Variants in CELF4 observed in about 807,000 individuals in gnomAD.
The protein encoded by CELF4 is CUGBP Elav-like family member 4.
CELF4 carries 18 observed loss-of-function variants against 59.9 expected under a neutral mutation model. The ratio of observed to expected loss-of-function variants is 0.30; its 90% CI spans 0.21 to 0.45. The LOEUF is 0.45. Ranked by LOEUF, CELF4 falls within the 20% of genes least tolerant of loss-of-function variation. The pLI is 1.00. For synonymous variants in CELF4, 261 were observed against 267.1 expected, an observed-to-expected ratio of 0.98 and a Z score of 0.22; for missense variants, 456 against 689.0, an observed-to-expected ratio of 0.66 and a Z score of 3.79.
chr18:37,534,661 C>A (rs1283322398), intron 1 of CELF4, among the ~76,000 whole-genome samples: 1 of 152,122 alleles, frequency 6.6e-6, no homozygotes, highest in Non-Finnish European at 1.5e-5. Context: ...AATTAATATT[C>A]AGATAACTAT....
intron 2 of CELF4, among the ~76,000 whole-genome samples, chr18:37,360,060 C>T (rs901161005): frequency 6.6e-6 from 1 of 151,352 alleles, no homozygotes; most frequent in Non-Finnish European, 1.5e-5. Flanking sequence ...ACCATGTTGG[C>T]CAGACTGGTC....
chr18:37,367,480 G>A (rs2098799697), intron 2 of CELF4, among the ~76,000 whole-genome samples: 1 of 151,830 alleles, frequency 6.6e-6, no homozygotes, highest in East Asian at 1.9e-4. Flanking sequence ...CAGAGGGAAA[G>A]GATGCTCTGG....
At chr18:37,285,989 A>G (rs2094713952) in intron 3 of CELF4, among the ~76,000 whole-genome samples, 1 of 152,124 alleles carries the variant, frequency 6.6e-6, no homozygotes, top group Non-Finnish European at 1.5e-5. Flanking sequence ...ATAATTTATA[A>G]CATAATGGGG....
At chr18:37,541,955 CT>C (rs1473146652) in intron 1 of CELF4, among the ~76,000 whole-genome samples, 1 of 152,100 alleles carries the variant, frequency 6.6e-6, no homozygotes, top group African/African-American at 2.4e-5. Flanking sequence ...TATCATCTGA[CT>C]TCCTCATGAA....
intron 1 of CELF4, among the ~76,000 whole-genome samples, chr18:37,502,458 C>A (rs2099932875): frequency 6.6e-6 from 1 of 152,064 alleles, no homozygotes; most frequent in East Asian, 1.9e-4. Context: ...TCCTCCTGTT[C>A]TTTATTTTTC....
In CELF4 at chr18:37,350,156, A is replaced by G. The variant is rs528781074; in HGVS notation, c.370-28275T>C. On this transcript the variant is annotated intron_variant, in intron 2 of 12. Coordinates refer to ENST00000420428, the MANE Select transcript of CELF4 (RefSeq NM_020180.4). The stretch of plus-strand genomic sequence containing the variant: ...GGTGGATGAGGGGCCTTCAGCAACC[A>G]GGGACAGGCACACGATGGGAACAGA... Among the ~76,000 whole-genome samples, 4 of 152,280 alleles carry G rather than the reference A, an allele frequency of 2.6e-5. No homozygotes were observed. The East Asian group carries it at 5.8e-4, about 22-fold the overall frequency.
At position 37,251,960 on chromosome 18, in the gene CELF4, G is replaced by A. The variant is rs78420539; in HGVS notation, c.*44+1807C>T. Among the ~76,000 whole-genome samples the A allele has an allele frequency of 4.6e-3, 705 of 152,296 alleles. 4 individuals are homozygous for A. Among genetic ancestry groups the A allele is most frequent in the Non-Finnish European group, 7.7e-3 (523 of 68,028 alleles). On this transcript the variant is annotated intron_variant, in intron 12 of 12. Coordinates refer to ENST00000420428, the MANE Select transcript of CELF4 (RefSeq NM_020180.4). ...AGAAATGGGCAAGGATGGGAAACCA[G>A]GAGGCAGGAAAGACTGGTTTTGCTT...
Position 37,308,031 on chromosome 18 carries a change from G to T in CELF4, c.448+13772C>A, listed in dbSNP as rs1261946. ...GGCAGCAGGTCCTGGGCAGGGCAGGGATGGCTTTGGGGCATACATTTCATA... is the reference window on the plus strand; with the variant it reads ...GGCAGCAGGTCCTGGGCAGGGCAGGTATGGCTTTGGGGCATACATTTCATA... On this transcript the variant is annotated intron_variant, in intron 3 of 12. Transcript: ENST00000420428. Among the ~76,000 whole-genome samples, 883 of 152,128 alleles carry T rather than the reference G, an allele frequency of 5.8e-3. 7 individuals carry two copies. The highest frequency in any genetic ancestry group is 0.02 in the African/African-American group (810 of 41,500).
intron 2 of CELF4, among the ~76,000 whole-genome samples, chr18:37,450,070 G>T (rs1378298650): frequency 6.6e-6 from 1 of 152,200 alleles, no homozygotes; most frequent in Admixed American, 6.5e-5. Flanking sequence ...AGGGGCCAGG[G>T]TGGGGGAAGA....
chr18:37,545,849 C>T (rs1019785849), intron 1 of CELF4, among the ~76,000 whole-genome samples: 6 of 152,110 alleles, frequency 3.9e-5, no homozygotes, highest in East Asian at 1.9e-4. Flanking sequence ...CCTCTTCTTC[C>T]GGTCTCCCAG....
chr18:37,449,922 C>T (rs771469228), intron 2 of CELF4, among the ~76,000 whole-genome samples: 11 of 152,250 alleles, frequency 7.2e-5, no homozygotes, highest in Non-Finnish European at 8.8e-5. Flanking sequence ...CTTCCACACC[C>T]AGGACGCCAT....
chr18:37,540,796 A>C (rs1280636624), intron 1 of CELF4, among the ~76,000 whole-genome samples: 1 of 152,202 alleles, frequency 6.6e-6, no homozygotes, highest in East Asian at 1.9e-4. Flanking sequence ...AGGTGGGAGC[A>C]TGGGAGGGAC....
rs531011345 is a variant in CELF4 at position 37,451,332 on chromosome 18, G to A, written c.369+34193C>T. The stretch of plus-strand genomic sequence containing the variant: ...ACGAACGTAGTGTGTCTGTGTATAC[G>A]TGTGTGCTTCTGTGTGTCTGTGTGT... On this transcript the variant is annotated intron_variant, in intron 2 of 12. Coordinates refer to ENST00000420428, the MANE Select transcript of CELF4 (RefSeq NM_020180.4). 4.6e-5 allele frequency among the ~76,000 whole-genome samples: 7 copies of A among 152,198 alleles called. No individual in the cohort carries two copies. In the South Asian group the frequency reaches 1.2e-3, roughly 27 times the overall value.
In CELF4 at chr18:37,565,605, C is replaced by T. The variant is rs771962593; in HGVS notation, c.37G>A (p.Ala13Thr). 6.2e-7 allele frequency: 1 copy of T among 1,605,074 alleles called. No individual in the cohort carries two copies. Among genetic ancestry groups the T allele is most frequent in the East Asian group, 2.2e-5 (1 of 44,664 alleles). Residue 13 changes from alanine (A) to threonine (T), a missense_variant, in exon 1 of 13, where the codon GCT (alanine) becomes ACT (threonine). By Grantham distance (58) the Ala-to-Thr change is moderately conservative. Transcript: ENST00000420428. ...TTGGTACTGAGGCTTGCGTTGTCAGCCTGTCCGTTTGCTAACGTGGCCATC... is the reference window on the plus strand; with the variant it reads ...TTGGTACTGAGGCTTGCGTTGTCAGTCTGTCCGTTTGCTAACGTGGCCATC... ...IKMATLANGQADNASLSTNGL... is the reference protein window; with the variant it reads ...IKMATLANGQTDNASLSTNGL...
intron 3 of CELF4, among the ~76,000 whole-genome samples, chr18:37,282,129 A>G (rs1195441144): frequency 6.6e-6 from 1 of 152,216 alleles, no homozygotes. Context: ...AAAAGGCTCA[A>G]TAAGTGCCAG....
intron 1 of CELF4, among the ~76,000 whole-genome samples, chr18:37,551,431 C>A (rs895886606): frequency 2.6e-5 from 4 of 152,190 alleles, no homozygotes; most frequent in Non-Finnish European, 5.9e-5. Flanking sequence ...GTGCTGTTGA[C>A]AATGGGGGCA....
intron 2 of CELF4, among the ~76,000 whole-genome samples, chr18:37,430,009 G>A (rs746629629): frequency 1.3e-5 from 2 of 152,188 alleles, no homozygotes; most frequent in African/African-American, 2.4e-5. Context: ...TACTGGCCAC[G>A]CCCTTTGTCT....
intron 8 of CELF4, among the ~76,000 whole-genome samples, chr18:37,267,175 C>T (rs1370225869): frequency 1.3e-5 from 2 of 152,224 alleles, no homozygotes; most frequent in Non-Finnish European, 2.9e-5. Context: ...CAGGGACCAG[C>T]TACGCAAATA....
chr18:37,303,575 G>C (rs180736695), intron 3 of CELF4, among the ~76,000 whole-genome samples: 9 of 152,262 alleles, frequency 5.9e-5, no homozygotes, highest in Admixed American at 5.9e-4. Context: ...AACTAGGCTG[G>C]GCAGAGGTGA....
Sources: gnomAD v4.1 joint callset for allele counts (sites outside exome capture counted in the v4.1 genomes callset) on GRCh38, gnomAD v4.1.1 for gene constraint, MANE v1.5 for transcripts, NCBI Gene and HGNC (gene_info 2026-07-23, HGNC 2026-07-21) for gene names.